DCLK1: variants seen among roughly 807,000 people sequenced by gnomAD.
The protein encoded by DCLK1 is doublecortin like kinase 1, also known as serine/threonine-protein kinase DCLK1.
In DCLK1, 16 loss-of-function variants were observed where a neutral mutation model predicts 86.2. The ratio of observed to expected loss-of-function variants is 0.19; its 90% CI spans 0.13 to 0.28. The LOEUF is 0.28. Among genes scored for constraint, DCLK1 ranks in the 10% least tolerant of loss-of-function variants. DCLK1 has a pLI of 1.00. For missense variants in DCLK1, 590 were observed against 940.2 expected, an observed-to-expected ratio of 0.63 and a Z score of 4.87; for synonymous variants, 369 against 370.5, an observed-to-expected ratio of 1.00 and a Z score of 0.05.
At chr13:35,787,329 CT>C (rs2086641624) in intron 16 of DCLK1, among the ~76,000 whole-genome samples, 2 of 151,320 alleles carry the variant, frequency 1.3e-5, no homozygotes, top group Non-Finnish European at 2.9e-5. Context: ...CTGGAGATCA[CT>C]TCAGAAACAT....
intron 3 of DCLK1, among the ~76,000 whole-genome samples, chr13:35,990,266 T>C (rs932333603): frequency 3.3e-5 from 5 of 152,196 alleles, no homozygotes; most frequent in African/African-American, 1.2e-4. Flanking sequence ...TGTGTGTATT[T>C]AAGTCATAAT....
intron 3 of DCLK1, among the ~76,000 whole-genome samples, chr13:36,046,770 A>G (rs1882929440): frequency 6.6e-6 from 1 of 152,258 alleles, no homozygotes; most frequent in South Asian, 2.1e-4. Flanking sequence ...GGGACTAATG[A>G]GACCAGAACA....
intron 15 of DCLK1, among the ~76,000 whole-genome samples, chr13:35,793,712 T>G (rs982483304): frequency 6.6e-6 from 1 of 151,118 alleles, no homozygotes; most frequent in African/African-American, 2.4e-5. Context: ...CCCTCAGAGA[T>G]TTGTCTCTAA....
At chr13:35,846,925 A>G in intron 6 of DCLK1, 1 of 985,286 alleles carries the variant, frequency 1.0e-6, no homozygotes, top group African/African-American at 1.7e-5. Context: ...CTTACAGGTT[A>G]TCTGGCTTTG....
rs1388797413 is a variant in DCLK1, at chr13:35,774,373, G to A, written c.*162C>T. 2 of 889,548 alleles carry A rather than the reference G, an allele frequency of 2.2e-6. No homozygotes were observed. Among genetic ancestry groups the A allele is most frequent in the African/African-American group, 3.4e-5 (2 of 59,026 alleles). 55.1% of individuals were successfully genotyped at this position (889,548 alleles called of 1,614,324 possible). ...CAATCACCACGTGTCATCTTATTCA[G>A]TAAAGGGAAACCGCTACAAAGATAC... On this transcript the variant is annotated 3_prime_UTR_variant, in exon 17 of 17. Transcript: ENST00000360631.
chr13:36,015,865 T>A (rs1261267379), intron 3 of DCLK1, among the ~76,000 whole-genome samples: 3 of 152,206 alleles, frequency 2.0e-5, no homozygotes, highest in African/African-American at 7.2e-5. Flanking sequence ...ATGAAAAACA[T>A]CAATTTGTTA....
At position 35,774,352 on chromosome 13, in the gene DCLK1, C is replaced by T. The variant is rs2086384389; in HGVS notation, c.*183G>A. 7.7e-6 allele frequency: 6 copies of T among 775,392 alleles called. No individual in the cohort carries two copies. The South Asian group carries it at 1.3e-4, about 17-fold the overall frequency. 48.0% of individuals were successfully genotyped at this position (775,392 alleles called of 1,614,324 possible). A position where few individuals can be genotyped will look rare whatever the true frequency, so the allele number is the denominator to read the frequency against. On this transcript the variant is annotated 3_prime_UTR_variant, in exon 17 of 17. Coordinates refer to ENST00000360631, the MANE Select transcript of DCLK1 (RefSeq NM_001330071.2). ...AGCAGCAAATTACCATCTTCACAAT[C>T]ACCACGTGTCATCTTATTCAGTAAA...
At chr13:35,832,789 A>T (rs941184344) in intron 8 of DCLK1, among the ~76,000 whole-genome samples, 6 of 152,194 alleles carry the variant, frequency 3.9e-5, no homozygotes, top group African/African-American at 1.4e-4. Flanking sequence ...ACAGCTCCCA[A>T]GTGGAATTTG....
chr13:35,927,304 G>T (rs1198827187), intron 4 of DCLK1, among the ~76,000 whole-genome samples: 3 of 152,180 alleles, frequency 2.0e-5, no homozygotes, highest in Non-Finnish European at 2.9e-5. Flanking sequence ...CCTTCTCAAT[G>T]GCTAAGAGCT....
At chr13:35,779,002 A>T (rs1423396692) in intron 16 of DCLK1, among the ~76,000 whole-genome samples, 1 of 151,130 alleles carries the variant, frequency 6.6e-6, no homozygotes, top group Non-Finnish European at 1.5e-5. Flanking sequence ...CTCTCTGCCC[A>T]CTCAAATTTA....
intron 3 of DCLK1, among the ~76,000 whole-genome samples, chr13:36,071,150 T>C (rs945388628): frequency 2.0e-5 from 3 of 152,074 alleles, no homozygotes. Context: ...AGAAATAATA[T>C]GAACATATCT....
chr13:35,979,624 G>A (rs1321242845), intron 3 of DCLK1, among the ~76,000 whole-genome samples: 1 of 152,200 alleles, frequency 6.6e-6, no homozygotes, highest in African/African-American at 2.4e-5. Context: ...AAAAGATGCT[G>A]AGCTGGCTCC....
intron 4 of DCLK1, among the ~76,000 whole-genome samples, chr13:35,915,621 C>G (rs1309637408): frequency 6.6e-6 from 1 of 152,112 alleles, no homozygotes; most frequent in Non-Finnish European, 1.5e-5. Flanking sequence ...GGGAGAATAA[C>G]TTGAGTCCAG....
chr13:35,847,427 G>A (rs1451305271), intron 6 of DCLK1: 2 of 984,938 alleles, frequency 2.0e-6, no homozygotes. Flanking sequence ...GATACTTACA[G>A]AAGCATACCC....
rs573105289 is a variant in DCLK1, at chr13:35,890,627, G to A, written c.824-19287C>T. Among the ~76,000 whole-genome samples the A allele has an allele frequency of 5.9e-5, 9 of 152,230 alleles. No individual in the cohort carries two copies. The South Asian group carries it at 1.4e-3, about 24-fold the overall frequency. The stretch of plus-strand genomic sequence containing the variant: ...GCTGGATCAATGAGGGCAGACTGAC[G>A]TGTCTTTAAAATTTTGACAGATGGA... On this transcript the variant is annotated intron_variant, in intron 4 of 16. Coordinates refer to ENST00000360631, the MANE Select transcript of DCLK1 (RefSeq NM_001330071.2).
intron 4 of DCLK1, among the ~76,000 whole-genome samples, chr13:35,879,689 C>T (rs190420163): frequency 1.6e-4 from 24 of 152,216 alleles, no homozygotes; most frequent in South Asian, 2.1e-4. Context: ...GTTTCAACCC[C>T]GGGGGAAAGC....
chr13:35,805,393 G>A (rs1453192201), intron 15 of DCLK1: 4 of 281,198 alleles, frequency 1.4e-5, no homozygotes, highest in East Asian at 6.6e-5. Flanking sequence ...GGTTTCCAGG[G>A]TCAAGCAATC....
Position 35,990,502 on chromosome 13 carries a change from C to T in DCLK1, c.724-43045G>A, listed in dbSNP as rs117778369. ...GTTACAAGGCTCCCAGGATACCTCT[C>T]CACCCCAGGTCATGCCTGGCCAATC... is the stretch of plus-strand genomic sequence containing the variant. On this transcript the variant is annotated intron_variant, in intron 3 of 16. Coordinates refer to ENST00000360631, the MANE Select transcript of DCLK1 (RefSeq NM_001330071.2). Among the ~76,000 whole-genome samples the T allele has an allele frequency of 2.9e-3, 447 of 152,126 alleles. 18 individuals carry two copies. In the East Asian group the frequency reaches 0.063, roughly 22 times the overall value.
intron 3 of DCLK1, among the ~76,000 whole-genome samples, chr13:36,105,428 T>C (rs1885356858): frequency 1.3e-5 from 2 of 152,162 alleles, no homozygotes; most frequent in African/African-American, 4.8e-5. Flanking sequence ...TTAGTCCTCA[T>C]GACAACTTAT....
Sources: allele counts gnomAD v4.1 joint callset (sites outside exome capture counted in the v4.1 genomes callset), GRCh38; gene constraint gnomAD v4.1.1; transcripts MANE v1.5; gene names NCBI Gene and HGNC (gene_info 2026-07-23, HGNC 2026-07-21).